Variants in SV2C observed in about 807,000 individuals in gnomAD.
SV2C encodes the protein solute carrier family 22 member B3.
In SV2C, 49 loss-of-function variants were observed where a neutral mutation model predicts 79.7. The observed-to-expected ratio is 0.61, with a 90% CI of 0.49 to 0.78. The LOEUF (loss-of-function observed/expected upper bound fraction) is 0.78. Ranked by LOEUF, SV2C falls within the 30% of genes least tolerant of loss-of-function variation. The pLI, the probability that SV2C is intolerant of heterozygous loss-of-function variation, is 0.00. For synonymous variants in SV2C, 334 were observed against 333.2 expected (o/e 1.00, Z -0.03); for missense variants, 833 against 912.9 (o/e 0.91, Z 1.13).
At chr5:75,877,506 G>A in the SV2C span, among the ~76,000 whole-genome samples, 1 of 151,372 alleles carries the variant, frequency 6.6e-6, no homozygotes, top group Non-Finnish European at 1.5e-5. Context: ...TATGCCATAT[G>A]TTGGATCATT....
At chr5:76,141,187 C>T (rs1749239276) in intron 2 of SV2C, among the ~76,000 whole-genome samples, 1 of 152,144 alleles carries the variant, frequency 6.6e-6, no homozygotes, top group African/African-American at 2.4e-5. Flanking sequence ...AGGAAATGAA[C>T]AGAAACTCTC....
intron 10 of SV2C, among the ~76,000 whole-genome samples, 185 bp downstream of exon 10, chr5:76,299,112 G>T (rs1338238736): frequency 6.6e-6 from 1 of 152,174 alleles, no homozygotes; most frequent in Non-Finnish European, 1.5e-5. Context: ...CAGATTTAGT[G>T]CAAATGGAGC....
chr5:76,301,319 A>G (rs1747989216), intron 11 of SV2C, 67 bp from the exon 12 acceptor site: 1 of 1,589,996 alleles, frequency 6.3e-7, no homozygotes, highest in Non-Finnish European at 8.6e-7. Context: ...AATCCCAAGG[A>G]CCCAAGGGTT....
rs1554048529 is a variant in SV2C, at chr5:76,330,860, T to TTGGGGG, written c.*5313_*5314insTGGGGG. ...CTCTAGAGCATTTTTTTTTTTTTTT[T>TTGGGGG]GGGCGGGGGGGCGGGGGACGGAGTC... On this transcript the variant is annotated 3_prime_UTR_variant, in exon 13 of 13. Transcript: ENST00000502798. 2.9e-4 allele frequency: 4 copies of TTGGGGG among 13,644 alleles called. No homozygotes were observed. The highest frequency in any genetic ancestry group is 4.9e-4 in the African/African-American group (2 of 4,122). The allele number at this position is 13,644 out of a possible 1,614,324, so 0.8% of individuals were successfully genotyped here.
At chr5:76,074,018 C>T in the SV2C span, among the ~76,000 whole-genome samples, 1 of 152,096 alleles carries the variant, frequency 6.6e-6, no homozygotes, top group South Asian at 2.1e-4. Context: ...GTTCACAGAC[C>T]TACTGTGCAA....
the SV2C span, among the ~76,000 whole-genome samples, chr5:75,857,740 A>G: frequency 6.6e-6 from 1 of 152,240 alleles, no homozygotes; most frequent in Non-Finnish European, 1.5e-5. Context: ...ATCCATTAGC[A>G]TGAAATATCT....
chr5:75,909,330 C>A, the SV2C span, among the ~76,000 whole-genome samples: 1 of 152,220 alleles, frequency 6.6e-6, no homozygotes, highest in South Asian at 2.1e-4. Context: ...TTTGTTCCTG[C>A]CTGCTTTTCC....
At chr5:75,930,188 C>T in the SV2C span, among the ~76,000 whole-genome samples, 1 of 152,104 alleles carries the variant, frequency 6.6e-6, no homozygotes, top group Non-Finnish European at 1.5e-5. Flanking sequence ...CTGCTTTCCG[C>T]CTCATCTTTT....
At chr5:75,876,668 T>G in the SV2C span, among the ~76,000 whole-genome samples, 1 of 152,052 alleles carries the variant, frequency 6.6e-6, no homozygotes, top group South Asian at 2.1e-4. Context: ...TGCATAACAA[T>G]AACGTCATAA....
At chr5:76,146,788 G>GT (rs143502248) in intron 2 of SV2C, among the ~76,000 whole-genome samples, 540 of 47,524 alleles carry the variant, frequency 0.011, 22 homozygotes, top group East Asian at 0.1. Context: ...AAAGGAATGA[G>GT]TTTTTTTTTA....
the SV2C span, among the ~76,000 whole-genome samples, chr5:75,886,921 C>T: frequency 6.6e-6 from 1 of 152,154 alleles, no homozygotes; most frequent in South Asian, 2.1e-4. Context: ...CACTGGAAAT[C>T]CTGAGTCCCA....
At chr5:75,893,003 G>T in the SV2C span, among the ~76,000 whole-genome samples, 1 of 152,032 alleles carries the variant, frequency 6.6e-6, no homozygotes. Context: ...TCTCCAAACT[G>T]CTTTCCACAG....
At chr5:76,201,891 G>C (rs908764726) in intron 3 of SV2C, among the ~76,000 whole-genome samples, 3 of 151,866 alleles carry the variant, frequency 2.0e-5, no homozygotes, top group African/African-American at 7.3e-5. Context: ...GGTGGCAGGC[G>C]CCTGTAGTCC....
chr5:75,913,663 C>T, the SV2C span, among the ~76,000 whole-genome samples: 1 of 152,192 alleles, frequency 6.6e-6, no homozygotes, highest in Non-Finnish European at 1.5e-5. Context: ...GACTTCTTGG[C>T]TCCCAGAGTG....
At chr5:76,301,669 A>G (rs246816) in intron 12 of SV2C, 124 bp downstream of exon 12, 563,653 of 1,172,918 alleles carry the variant, frequency 0.48, 136,652 homozygotes, top group Admixed American at 0.61. Flanking sequence ...AGTACTTTGG[A>G]AGGCCAAGGT....
chr5:76,029,420 AAC>A, the SV2C span, among the ~76,000 whole-genome samples: 19 of 152,190 alleles, frequency 1.2e-4, 1 homozygote, highest in African/African-American at 3.9e-4. Context: ...TTTTCGTTAA[AAC>A]ACAGATTCTC....
chr5:75,948,583 G>T, the SV2C span, among the ~76,000 whole-genome samples: 3 of 151,998 alleles, frequency 2.0e-5, no homozygotes, highest in Non-Finnish European at 2.9e-5. Flanking sequence ...GGAAGTGGAA[G>T]GAGTGATTGC....
At chr5:75,896,313 G>T in the SV2C span, among the ~76,000 whole-genome samples, 1 of 150,978 alleles carries the variant, frequency 6.6e-6, no homozygotes, top group Non-Finnish European at 1.5e-5. Context: ...AACATGCGGT[G>T]TTTGGTTTTT....
chr5:76,308,409 C>T (rs563507398), intron 12 of SV2C, among the ~76,000 whole-genome samples: 25 of 152,254 alleles, frequency 1.6e-4, no homozygotes, highest in African/African-American at 6.0e-4. Context: ...TGATGGCATC[C>T]CAATGGTAGT....
Sources: gnomAD v4.1 joint callset for allele counts (sites outside exome capture counted in the v4.1 genomes callset) on GRCh38, gnomAD v4.1.1 for gene constraint, MANE v1.5 for transcripts, NCBI Gene and HGNC (gene_info 2026-07-23, HGNC 2026-07-21) for gene names.